Variants in HDAC1 observed in about 807,000 individuals in gnomAD.
HDAC1 encodes protein deacetylase HDAC1.
A neutral mutation model predicts 65.5 loss-of-function variants in HDAC1; 18 were observed. That is an observed-to-expected ratio of 0.27 (90% CI 0.19 to 0.41). The LOEUF (loss-of-function observed/expected upper bound fraction) is 0.41, where lower values mean the gene tolerates loss of function less well. HDAC1 is among the 10% of genes least tolerant of loss of function. The pLI is 1.00. For synonymous variants in HDAC1, 211 were observed against 227.9 expected (o/e 0.93, Z 0.67); for missense variants, 373 against 625.2 (o/e 0.60, Z 4.30).
chr1:32,299,119 C>A (rs1463169984), intron 1 of HDAC1, among the ~76,000 whole-genome samples: 1 of 152,070 alleles, frequency 6.6e-6, no homozygotes, highest in African/African-American at 2.4e-5. Flanking sequence ...TAAATTTAAT[C>A]ATAAAGGATG....
intron 2 of HDAC1, among the ~76,000 whole-genome samples, chr1:32,312,999 T>G (rs1016864531): frequency 2.2e-4 from 34 of 151,664 alleles, no homozygotes; most frequent in African/African-American, 7.7e-4. Context: ...GGTGTTTTTT[T>G]GTTTTGTTTT....
intron 2 of HDAC1, among the ~76,000 whole-genome samples, chr1:32,310,485 A>G (rs757685235): frequency 3.3e-5 from 5 of 152,172 alleles, no homozygotes; most frequent in Non-Finnish European, 7.3e-5. Flanking sequence ...GGCTAAGGCA[A>G]GAAGATCACT....
At chr1:32,316,002 G>C (rs1641057279) in intron 2 of HDAC1, among the ~76,000 whole-genome samples, 1 of 151,044 alleles carries the variant, frequency 6.6e-6, no homozygotes, top group Non-Finnish European at 1.5e-5. Context: ...GAAAAAAAAG[G>C]TCGGGCTTGG....
chr1:32,322,807 G>A (rs1368170011), intron 3 of HDAC1, among the ~76,000 whole-genome samples: 1 of 152,118 alleles, frequency 6.6e-6, no homozygotes, highest in African/African-American at 2.4e-5. Flanking sequence ...TCAAGACACC[G>A]GGACCCTGAT....
intron 2 of HDAC1, among the ~76,000 whole-genome samples, chr1:32,316,132 A>C (rs1641059387): frequency 6.6e-6 from 1 of 151,634 alleles, no homozygotes; most frequent in African/African-American, 2.4e-5. Flanking sequence ...AATACAAAAA[A>C]AATTAGCCGG....
chr1:32,292,429 A>G (rs1569993720), intron 1 of HDAC1: 1 of 984,770 alleles, frequency 1.0e-6, no homozygotes, highest in Non-Finnish European at 1.2e-6. Context: ...CGCGTGGGGG[A>G]AGCGTGAGGT....
intron 4 of HDAC1, among the ~76,000 whole-genome samples, 162 bp downstream of exon 4, chr1:32,324,715 A>C (rs558284595): frequency 1.5e-3 from 227 of 152,228 alleles, no homozygotes; most frequent in African/African-American, 4.7e-3. Flanking sequence ...CACACCTGTA[A>C]TCCCAGCACT....
intron 1 of HDAC1, among the ~76,000 whole-genome samples, chr1:32,294,444 C>A (rs1640739657): frequency 6.6e-6 from 1 of 151,320 alleles, no homozygotes. Flanking sequence ...CACTTCCTGG[C>A]CTCTGATGTG....
Position 32,299,779 on chromosome 1 carries a change from T to TGGCAC in HDAC1, c.50-2839_50-2835dup, listed in dbSNP as rs1446542137. Among the ~76,000 whole-genome samples the TGGCAC allele has an allele frequency of 2.6e-5, 4 of 152,214 alleles. No homozygotes were observed. In the East Asian group the frequency reaches 7.8e-4, roughly 30 times the overall value. On this transcript the variant is annotated intron_variant, in intron 1 of 13. Coordinates refer to ENST00000373548, the MANE Select transcript of HDAC1 (RefSeq NM_004964.3). ...TACCTGAGAAGCCCAATGTAGGGCC[T>TGGCAC]GGCACGGTGGCTCACACCTGTAATC...
intron 1 of HDAC1, among the ~76,000 whole-genome samples, chr1:32,298,677 G>A (rs1336937920): frequency 6.6e-6 from 1 of 152,196 alleles, no homozygotes; most frequent in Non-Finnish European, 1.5e-5. Context: ...TTCCTATTAT[G>A]AGAACAATGA....
rs1347956922 is a variant in HDAC1 at position 32,333,299 on chromosome 1, C to T, written c.*255C>T. ...GTGCCAGGTCTGGGTGAAAGGGATA[C>T]TTTTATGCAACCATAAGACAAACTC... On this transcript the variant is annotated 3_prime_UTR_variant, in exon 14 of 14. Coordinates refer to ENST00000373548, the MANE Select transcript of HDAC1 (RefSeq NM_004964.3). 8.8e-6 allele frequency: 3 copies of T among 342,058 alleles called. No homozygotes were observed. The highest frequency in any genetic ancestry group is 6.4e-5 in the African/African-American group (3 of 46,702). The allele number at this position is 342,058 out of a possible 1,614,324, so 21.2% of individuals were successfully genotyped here.
At chr1:32,300,094 T>C (rs1640826795) in intron 1 of HDAC1, among the ~76,000 whole-genome samples, 1 of 151,976 alleles carries the variant, frequency 6.6e-6, no homozygotes, top group South Asian at 2.1e-4. Flanking sequence ...ATGTAGCTTT[T>C]AGCATATTGG....
intron 1 of HDAC1, among the ~76,000 whole-genome samples, chr1:32,295,087 A>G (rs1412765812): frequency 6.6e-6 from 1 of 152,176 alleles, no homozygotes; most frequent in Non-Finnish European, 1.5e-5. Flanking sequence ...AGTCATCAGT[A>G]TCTTAGTCTG....
Position 32,324,573 on chromosome 1 carries a change from T to C in HDAC1, c.355+20T>C, listed in dbSNP as rs1641191054. ...CTGTGGGTAAGGAATATTCATCTTCTCCCCAGGGGTAGACTGGGTTGTTCT... is the reference window on the plus strand; with the variant it reads ...CTGTGGGTAAGGAATATTCATCTTCCCCCCAGGGGTAGACTGGGTTGTTCT... On this transcript the variant is annotated intron_variant, in intron 4 of 13. Coordinates refer to ENST00000373548, the MANE Select transcript of HDAC1 (RefSeq NM_004964.3). 6.5e-7 allele frequency: 1 copy of C among 1,537,644 alleles called. No individual in the cohort carries two copies. The highest frequency in any genetic ancestry group is 1.4e-5 in the African/African-American group (1 of 73,470).
rs1641286168 is a variant in HDAC1 at position 32,331,172 on chromosome 1, G to A, written c.979+264G>A. Among the ~76,000 whole-genome samples the A allele has an allele frequency of 6.6e-6, 1 of 152,174 alleles. No individual in the cohort carries two copies. Among genetic ancestry groups the A allele is most frequent in the African/African-American group, 2.4e-5 (1 of 41,432 alleles). ...TTTACAGCTTTGGAATTTCTACTCT[G>A]TAGAGTAACTGGAGTAGCGAGTGAA... is the stretch of plus-strand genomic sequence containing the variant. On this transcript the variant is annotated intron_variant, in intron 9 of 13. Coordinates refer to ENST00000373548, the MANE Select transcript of HDAC1 (RefSeq NM_004964.3). This position sits in a 1 kb window ranked among gnomAD's most constrained non-coding sequence, Gnocchi z 4.2.
intron 4 of HDAC1, 26 bp downstream of exon 4, chr1:32,324,579 G>T: frequency 6.7e-7 from 1 of 1,481,746 alleles, no homozygotes; most frequent in Non-Finnish European, 9.4e-7. Flanking sequence ...CTTCTCCCCA[G>T]GGGTAGACTG....
chr1:32,324,450 AAACT>A (rs1449689344), intron 3 of HDAC1, 25 bp from the exon 4 acceptor site: 22 of 1,514,818 alleles, frequency 1.5e-5, no homozygotes, highest in Non-Finnish European at 2.0e-5. Flanking sequence ...GAAATTGTGG[AAACT>A]AACCTTTTGC....
At chr1:32,332,796 A>T in intron 13 of HDAC1, 47 bp downstream of exon 13, 1 of 1,491,468 alleles carries the variant, frequency 6.7e-7, no homozygotes, top group Non-Finnish European at 9.2e-7. Flanking sequence ...TTGGAGCACC[A>T]GCCCCTTTGT....
At chr1:32,319,612 A>C (rs1370973733) in intron 3 of HDAC1, among the ~76,000 whole-genome samples, 13 of 152,076 alleles carry the variant, frequency 8.5e-5, no homozygotes, top group Admixed American at 8.5e-4. Context: ...TATCTAACCT[A>C]GGCGCTGGAC....
Sources: gnomAD v4.1 joint callset for allele counts (sites outside exome capture counted in the v4.1 genomes callset) on GRCh38, gnomAD v4.1.1 for gene constraint, Gnocchi (gnomAD v3.1) non-coding constraint, MANE v1.5 for transcripts, NCBI Gene and HGNC (gene_info 2026-07-23, HGNC 2026-07-21) for gene names.